The following SV2C variants were observed in gnomAD, a reference collection of about 807,000 sequenced individuals.
SV2C encodes synaptic vesicle glycoprotein 2C.
In SV2C, 49 loss-of-function variants were observed where a neutral mutation model predicts 79.7. The ratio of observed to expected loss-of-function variants is 0.61; its 90% confidence interval spans 0.49 to 0.78. SV2C has a LOEUF of 0.78. Ranked by LOEUF, SV2C falls within the 30% of genes least tolerant of loss-of-function variation. The probability of loss-of-function intolerance (pLI) is 0.00; values close to 1 mark genes in which losing one functional copy is unlikely to be tolerated. For missense variants in SV2C, 833 were observed against 912.9 expected (o/e 0.91, Z 1.13); for synonymous variants, 334 against 333.2 (o/e 1.00, Z -0.03).
At chr5:76,344,734 A>T (rs907388457) in intron 12 of SV2C, among the ~76,000 whole-genome samples, 29 of 152,314 alleles carry the variant, frequency 1.9e-4, no homozygotes, top group Non-Finnish European at 2.6e-4. Context: ...AATAATTTTT[A>T]AAAAATTATT....
chr5:76,312,563 A>T (rs1163274851), intron 12 of SV2C, among the ~76,000 whole-genome samples: 6 of 152,152 alleles, frequency 3.9e-5, no homozygotes, highest in African/African-American at 1.2e-4. Context: ...ATTAGGGGCC[A>T]TCTTTACCCC....
At chr5:76,037,775 C>CAG in the SV2C span, among the ~76,000 whole-genome samples, 91 of 152,306 alleles carry the variant, frequency 6.0e-4, no homozygotes, top group African/African-American at 2.0e-3. Flanking sequence ...GGGCTCCACC[C>CAG]TTGGAGCTTC....
chr5:76,229,511 C>G (rs969295584), intron 4 of SV2C, among the ~76,000 whole-genome samples: 4 of 152,216 alleles, frequency 2.6e-5, no homozygotes, highest in African/African-American at 9.7e-5. Context: ...TGTCAGCTGA[C>G]CCTCACTCCT....
chr5:75,968,649 A>G, the SV2C span, among the ~76,000 whole-genome samples: 1 of 152,260 alleles, frequency 6.6e-6, no homozygotes, highest in Non-Finnish European at 1.5e-5. Context: ...AGAAATGAAC[A>G]AAGCCTCCAA....
At chr5:76,079,874 G>A (rs1746957286), upstream of SV2C, 1 of 153,818 alleles carries the variant, frequency 6.5e-6, no homozygotes, top group African/African-American at 2.4e-5. Context: ...ATTCCTTGAA[G>A]TTTTCTTTTT....
chr5:76,328,481 T>C lies in SV2C; in HGVS notation c.*2934T>C, dbSNP rs1179545076. ...TATGTACCACATTCTATCCCAGGTA[T>C]TGGGTTTTAAGGCACCCAACTCACA... On this transcript the variant is annotated 3_prime_UTR_variant, in exon 13 of 13. Transcript: ENST00000502798. The C allele has an allele frequency of 2.6e-5, 4 of 152,208 alleles. No individual in the cohort carries two copies. Among genetic ancestry groups the C allele is most frequent in the Admixed American group, 1.3e-4 (2 of 15,286 alleles). The allele number at this position is 152,208 out of a possible 1,614,324, so 9.4% of individuals were successfully genotyped here. A position where few individuals can be genotyped will look rare whatever the true frequency, so the allele number is the denominator to read the frequency against.
chr5:76,228,745 G>A (rs1427678050), intron 4 of SV2C, among the ~76,000 whole-genome samples: 2 of 152,088 alleles, frequency 1.3e-5, no homozygotes, highest in Non-Finnish European at 2.9e-5. Flanking sequence ...TCCAAGAAGT[G>A]AAGGTATATT....
At chr5:76,352,404 A>C (rs184783282) in intron 12 of SV2C, among the ~76,000 whole-genome samples, 98 of 152,334 alleles carry the variant, frequency 6.4e-4, no homozygotes, top group African/African-American at 2.2e-3. Flanking sequence ...GACCTTTAAG[A>C]GGTAATTAGG....
chr5:76,012,572 G>C, the SV2C span, among the ~76,000 whole-genome samples: 2 of 152,292 alleles, frequency 1.3e-5, no homozygotes, highest in Non-Finnish European at 2.9e-5. Context: ...TCACTCTGAT[G>C]ATAGTTTCTT....
chr5:75,987,928 G>A, the SV2C span, among the ~76,000 whole-genome samples: 1 of 151,916 alleles, frequency 6.6e-6, no homozygotes, highest in East Asian at 1.9e-4. Flanking sequence ...TATGACCTAA[G>A]GCAAGTTATT....
chr5:75,905,139 A>T, the SV2C span, among the ~76,000 whole-genome samples: 1 of 152,190 alleles, frequency 6.6e-6, no homozygotes, highest in Non-Finnish European at 1.5e-5. Context: ...TTTTATTTTA[A>T]AGAACTCTTG....
chr5:76,118,628 C>T (rs1748365267), intron 1 of SV2C, among the ~76,000 whole-genome samples: 1 of 152,034 alleles, frequency 6.6e-6, no homozygotes, highest in African/African-American at 2.4e-5. Flanking sequence ...TTTCTACATG[C>T]TTCTGGAATT....
intron 1 of SV2C, among the ~76,000 whole-genome samples, chr5:76,095,889 T>C (rs1252368899): frequency 6.6e-6 from 1 of 152,146 alleles, no homozygotes; most frequent in Non-Finnish European, 1.5e-5. Flanking sequence ...TCATGGGTTT[T>C]TCTTTGGGTC....
At chr5:75,866,043 G>T in the SV2C span, among the ~76,000 whole-genome samples, 1 of 152,170 alleles carries the variant, frequency 6.6e-6, no homozygotes, top group South Asian at 2.1e-4. Flanking sequence ...CCTGCAGTAA[G>T]TTCTCTCCTG....
chr5:76,100,965 G>A (rs1747722303), intron 1 of SV2C, among the ~76,000 whole-genome samples: 2 of 152,234 alleles, frequency 1.3e-5, no homozygotes, highest in East Asian at 1.9e-4. Flanking sequence ...AAGGCTGGGG[G>A]TTGGGGGGAG....
At chr5:76,341,789 T>A (rs936467870) in intron 12 of SV2C, among the ~76,000 whole-genome samples, 1 of 152,142 alleles carries the variant, frequency 6.6e-6, no homozygotes, top group Non-Finnish European at 1.5e-5. Flanking sequence ...AGATCTACAC[T>A]TCCTTTCACT....
At chr5:75,976,059 CTTTGAATGGCCGGTATAGTTAATTATAG>C in the SV2C span, among the ~76,000 whole-genome samples, 1 of 152,072 alleles carries the variant, frequency 6.6e-6, no homozygotes, top group Non-Finnish European at 1.5e-5. Flanking sequence ...TGAAGACTGC[CTTTGAATGGCCGGTATAGTTAATTATAG>C]TTTGAATGGC....
chr5:75,869,768 G>A, the SV2C span, among the ~76,000 whole-genome samples: 15 of 152,310 alleles, frequency 9.8e-5, no homozygotes, highest in Non-Finnish European at 2.2e-4. Context: ...CCACAGGGAC[G>A]CTTGTGTCAC....
the SV2C span, among the ~76,000 whole-genome samples, chr5:75,851,340 C>T: frequency 6.8e-6 from 1 of 146,926 alleles, no homozygotes; most frequent in Non-Finnish European, 1.5e-5. Flanking sequence ...CTAGTAAATA[C>T]AGAGTTCAAT....
Sources: gnomAD v4.1 joint callset for allele counts (sites outside exome capture counted in the v4.1 genomes callset) on GRCh38, gnomAD v4.1.1 for gene constraint, MANE v1.5 for transcripts, NCBI Gene and HGNC (gene_info 2026-07-23, HGNC 2026-07-21) for gene names.